Variants in DLST observed in about 807,000 individuals in gnomAD.
The protein encoded by DLST is dihydrolipoyllysine-residue succinyltransferase component of 2-oxoglutarate dehydrogenase complex, mitochondrial.
A neutral mutation model predicts 53.1 loss-of-function variants in DLST; 17 were observed. The ratio of observed to expected loss-of-function variants is 0.32; its 90% CI spans 0.22 to 0.48. The LOEUF is 0.48. Ranked by LOEUF, DLST falls within the 20% of genes least tolerant of loss-of-function variation. The pLI is 0.99. For synonymous variants in DLST, 206 were observed against 204.8 expected (o/e 1.01, Z -0.05); for missense variants, 512 against 583.9 (o/e 0.88, Z 1.27).
At chr14:74,889,407 T>G in intron 5 of DLST, 58 bp downstream of exon 5, 1 of 1,417,050 alleles carries the variant, frequency 7.1e-7, no homozygotes, top group Non-Finnish European at 9.6e-7. Context: ...TCTTGCTCTG[T>G]TCCCAGCCTG....
At chr14:74,890,925 G>T in intron 6 of DLST, 131 bp from the exon 7 acceptor site, 2 of 1,266,204 alleles carry the variant, frequency 1.6e-6, no homozygotes, top group Non-Finnish European at 2.1e-6. Context: ...TGATCCGCCT[G>T]CCTTGGCATC....
At chr14:74,900,144 C>T in intron 12 of DLST, 145 bp from the exon 13 acceptor site, 2 of 1,076,790 alleles carry the variant, frequency 1.9e-6, no homozygotes, top group Admixed American at 2.0e-5. Context: ...TTAAACCATG[C>T]CGCATTCTTT....
At chr14:74,897,971 TAAAAA>T (rs1472654209) in intron 10 of DLST, among the ~76,000 whole-genome samples, 1 of 144,044 alleles carries the variant, frequency 6.9e-6, no homozygotes, top group Admixed American at 7.0e-5. Flanking sequence ...TAACAAGAAA[TAAAAA>T]GAATATTGCT....
At chr14:74,894,275 A>T (rs557494797) in intron 9 of DLST, 37 bp from the exon 10 acceptor site, 2 of 1,611,614 alleles carry the variant, frequency 1.2e-6, no homozygotes, top group Non-Finnish European at 8.5e-7. Context: ...ACCCAGAGAG[A>T]TCAGATTGTC....
At chr14:74,895,292 C>G (rs898785265) in intron 10 of DLST, among the ~76,000 whole-genome samples, 10 of 152,164 alleles carry the variant, frequency 6.6e-5, no homozygotes, top group Admixed American at 1.3e-4. Flanking sequence ...AGAATGTTAA[C>G]CAAAGGTACT....
chr14:74,883,684 A>T (rs1383646904), intron 2 of DLST, among the ~76,000 whole-genome samples: 1 of 152,176 alleles, frequency 6.6e-6, no homozygotes, highest in East Asian at 1.9e-4. Context: ...AAACAGTAAA[A>T]AGTATTTTCT....
In DLST at chr14:74,881,967, C is replaced by A. The variant is rs377341812; in HGVS notation, c.14C>A (p.Ser5Tyr). MLSR[S>Y]RCVSRAFSRS... The stretch of plus-strand genomic sequence containing the variant: ...TCCTCCGCCGTGATGCTGTCCCGAT[C>A]CCGCTGTGTGTCTCGGGCGTTCAGC... The change falls in exon 1 of 15, where the codon TCC (serine) becomes TAC (tyrosine). Residue 5 changes from serine to tyrosine, a missense_variant. By Grantham distance (144) the Ser-to-Tyr change is moderately radical. Coordinates refer to ENST00000334220, the MANE Select transcript of DLST (RefSeq NM_001933.5). 6 of 1,569,182 alleles carry A rather than the reference C, an allele frequency of 3.8e-6. No homozygotes were observed. The East Asian group carries it at 9.6e-5, about 25-fold the overall frequency.
chr14:74,902,409 G>C lies in DLST; in HGVS notation c.*79G>C, dbSNP rs1277956091. ...CTCCCTGTCCCCTCATGGGTCCCGG[G>C]TTAGCCTGGTGACAGGCAGACACAT... On this transcript the variant is annotated 3_prime_UTR_variant, in exon 15 of 15. Transcript: ENST00000334220. The C allele has an allele frequency of 2.0e-6, 3 of 1,486,408 alleles. No homozygotes were observed. The African/African-American group carries it at 4.2e-5, about 21-fold the overall frequency. 92.1% of individuals were successfully genotyped at this position (1,486,408 alleles called of 1,614,324 possible).
At chr14:74,897,713 C>T (rs966975880) in intron 10 of DLST, among the ~76,000 whole-genome samples, 1 of 152,116 alleles carries the variant, frequency 6.6e-6, no homozygotes, top group Non-Finnish European at 1.5e-5. Context: ...GGTGTTAGTA[C>T]CTGTTTGGAA....
At chr14:74,888,337 G>C (rs1883779559) in intron 3 of DLST, among the ~76,000 whole-genome samples, 1 of 132,148 alleles carries the variant, frequency 7.6e-6, no homozygotes, top group Non-Finnish European at 1.6e-5. Flanking sequence ...TGTTAATCTT[G>C]CTGCCTTATC....
intron 2 of DLST, among the ~76,000 whole-genome samples, chr14:74,883,948 T>C (rs779412904): frequency 2.0e-5 from 3 of 152,200 alleles, no homozygotes; most frequent in Non-Finnish European, 4.4e-5. Flanking sequence ...AGAGCAAATA[T>C]ACATTTATGC....
chr14:74,901,009 C>CTT, intron 13 of DLST, 57 bp from the exon 14 acceptor site: 1 of 1,585,286 alleles, frequency 6.3e-7, no homozygotes, highest in Non-Finnish European at 8.6e-7. Flanking sequence ...TATGGACTGA[C>CTT]TTTAGGTGAA....
At chr14:74,889,494 G>C in intron 5 of DLST, 145 bp downstream of exon 5, 2 of 669,132 alleles carry the variant, frequency 3.0e-6, no homozygotes, top group East Asian at 5.8e-5. Flanking sequence ...TCAGCCTCCC[G>C]AATAGCTGGG....
At position 74,885,587 on chromosome 14, in the gene DLST, G is replaced by T; in HGVS notation, c.99G>T (p.Gly33=). 1 of 1,614,052 alleles carries T rather than the reference G, an allele frequency of 6.2e-7. No individual in the cohort carries two copies. The highest frequency in any genetic ancestry group is 1.3e-5 in the African/African-American group (1 of 75,016). Residue 33 remains glycine (G), a splice_region_variant and synonymous_variant, in exon 3 of 15, where the codon GGG becomes GGT. Coordinates refer to ENST00000334220, the MANE Select transcript of DLST (RefSeq NM_001933.5). Reference sequence around the variant, plus strand: ...TAAGAGTTATTTTGTTTCTTGCAGGGGTCTCCTTATGCCAGGGACCAGGTT... The same window carrying T: ...TAAGAGTTATTTTGTTTCTTGCAGGTGTCTCCTTATGCCAGGGACCAGGTT... ...NCPLGRRSLP[G]VSLCQGPGYP...
chr14:74,882,158 G>T (rs1235374950), intron 1 of DLST, 142 bp downstream of exon 1: 1 of 707,214 alleles, frequency 1.4e-6, no homozygotes, highest in Non-Finnish European at 2.0e-6. Context: ...GGGCTGGGCG[G>T]CCCGGGGCCG....
chr14:74,882,202 C>A (rs1344537189), intron 1 of DLST, among the ~76,000 whole-genome samples, 186 bp downstream of exon 1: 1 of 152,162 alleles, frequency 6.6e-6, no homozygotes, highest in Non-Finnish European at 1.5e-5. Context: ...CGGAGCCCAG[C>A]GGCCCCCTGC....
intron 3 of DLST, among the ~76,000 whole-genome samples, chr14:74,886,433 C>G (rs1883707992): frequency 1.3e-5 from 2 of 151,640 alleles, no homozygotes; most frequent in African/African-American, 2.4e-5. Flanking sequence ...CTCAAGAGAT[C>G]CTTTCACCTC....
intron 11 of DLST, among the ~76,000 whole-genome samples, chr14:74,899,534 T>C (rs1884175818): frequency 6.6e-6 from 1 of 152,204 alleles, no homozygotes. Context: ...AGTATCTCTA[T>C]ATCCCTTTTC....
At chr14:74,893,667 T>G (rs186511757) in intron 9 of DLST, among the ~76,000 whole-genome samples, 1 of 152,344 alleles carries the variant, frequency 6.6e-6, no homozygotes, top group South Asian at 2.1e-4. Context: ...AGTGAAAGCC[T>G]TGGGTAAGTT....
Sources: gnomAD v4.1 joint callset for allele counts (sites outside exome capture counted in the v4.1 genomes callset) on GRCh38, gnomAD v4.1.1 for gene constraint, MANE v1.5 for transcripts, NCBI Gene and HGNC (gene_info 2026-07-23, HGNC 2026-07-21) for gene names.